The following ANK2 variants were observed in gnomAD, a reference collection of about 807,000 sequenced individuals.
The protein encoded by ANK2 is ankyrin 2, also known as ankyrin-2.
ANK2 carries 83 observed loss-of-function variants against 360.5 expected under a neutral mutation model. That is an observed-to-expected ratio of 0.23 (90% CI 0.19 to 0.28). ANK2 has a LOEUF of 0.28. Ranked by LOEUF, ANK2 falls within the 10% of genes least tolerant of loss-of-function variation. The pLI is 1.00. For missense variants in ANK2, 4,201 were observed against 4,795.7 expected (o/e 0.88, Z 3.66); for synonymous variants, 1,740 against 1,759.5 (o/e 0.99, Z 0.28).
chr4:113,049,937 C>T (rs2066192342), intron 1 of ANK2, 125 bp downstream of exon 1: 4 of 1,224,802 alleles, frequency 3.3e-6, no homozygotes, highest in African/African-American at 1.5e-5. Flanking sequence ...GATAACAGTG[C>T]CAAGCCTTGC....
intron 2 of ANK2, among the ~76,000 whole-genome samples, chr4:112,915,617 T>G (rs1250622406): frequency 1.3e-5 from 2 of 151,918 alleles, no homozygotes; most frequent in Non-Finnish European, 2.9e-5. Flanking sequence ...TAACTGGGCA[T>G]GGTGGCATAC....
intron 1 of ANK2, among the ~76,000 whole-genome samples, chr4:112,867,274 T>C (rs1225962476): frequency 6.6e-6 from 1 of 152,120 alleles, no homozygotes; most frequent in Non-Finnish European, 1.5e-5. Flanking sequence ...TTAAGATGTT[T>C]GATCAGATTT....
At chr4:112,945,682 C>T (rs1561219308) in intron 2 of ANK2, among the ~76,000 whole-genome samples, 1 of 152,142 alleles carries the variant, frequency 6.6e-6, no homozygotes, top group Non-Finnish European at 1.5e-5. Flanking sequence ...GGACACCACC[C>T]CTGCCAAGAA....
chr4:112,968,585 G>GT (rs888193135), intron 2 of ANK2, among the ~76,000 whole-genome samples: 202 of 150,988 alleles, frequency 1.3e-3, no homozygotes, highest in African/African-American at 4.6e-3. Context: ...ATTGCTTTTT[G>GT]TTTTTTTTTC....
intron 2 of ANK2, among the ~76,000 whole-genome samples, chr4:112,915,489 C>A (rs1450804305): frequency 6.6e-6 from 1 of 152,004 alleles, no homozygotes; most frequent in Non-Finnish European, 1.5e-5. Context: ...AGTGGCTCAT[C>A]CCTATAGTCC....
At chr4:112,739,697 C>A in the ANK2 span, among the ~76,000 whole-genome samples, 9 of 152,160 alleles carry the variant, frequency 5.9e-5, no homozygotes, top group Non-Finnish European at 1.3e-4. Flanking sequence ...GAGGGAGAAG[C>A]AATTTCCTCC....
intron 1 of ANK2, chr4:113,116,936 C>A: frequency 4.1e-6 from 1 of 246,320 alleles, no homozygotes; most frequent in South Asian, 5.6e-5. Flanking sequence ...TAGGATGCTT[C>A]TCTGCACTTG....
chr4:113,043,781 ATG>A (rs1278959135), intron 2 of ANK2, among the ~76,000 whole-genome samples: 1 of 152,196 alleles, frequency 6.6e-6, no homozygotes, highest in Non-Finnish European at 1.5e-5. Flanking sequence ...GGAGACTACC[ATG>A]GTCAGAACAA....
intron 20 of ANK2, among the ~76,000 whole-genome samples, chr4:113,288,950 G>A (rs1345339339): frequency 6.6e-6 from 1 of 152,144 alleles, no homozygotes; most frequent in African/African-American, 2.4e-5. Flanking sequence ...AATGTATAAG[G>A]CCTGGGCTGG....
intron 16 of ANK2, 60 bp from the exon 17 acceptor site, chr4:113,278,400 T>C: frequency 1.4e-6 from 2 of 1,418,154 alleles, no homozygotes; most frequent in East Asian, 4.5e-5. Flanking sequence ...GGCATCCTGG[T>C]AGCTTCAGGG....
intron 2 of ANK2, among the ~76,000 whole-genome samples, chr4:113,039,804 G>A (rs1179915960): frequency 1.3e-5 from 2 of 151,836 alleles, no homozygotes; most frequent in East Asian, 3.9e-4. Flanking sequence ...TTCTAACATT[G>A]GGATTCTTTG....
At chr4:113,002,455 C>G (rs10007377) in intron 2 of ANK2, among the ~76,000 whole-genome samples, 1 of 151,612 alleles carries the variant, frequency 6.6e-6, no homozygotes, top group Non-Finnish European at 1.5e-5. Flanking sequence ...AGTAAACTAT[C>G]GCAAGAACAA....
intron 1 of ANK2, among the ~76,000 whole-genome samples, chr4:113,167,845 A>C (rs1412801779): frequency 6.6e-6 from 1 of 152,186 alleles, no homozygotes; most frequent in African/African-American, 2.4e-5. Context: ...TAATAAATGG[A>C]ATAAAAGACA....
chr4:113,126,794 G>C (rs749070381), intron 1 of ANK2, among the ~76,000 whole-genome samples: 1 of 152,030 alleles, frequency 6.6e-6, no homozygotes, highest in African/African-American at 2.4e-5. Flanking sequence ...CAACACAAGG[G>C]ACAATATTTT....
At chr4:113,173,050 G>T (rs987621450) in intron 1 of ANK2, among the ~76,000 whole-genome samples, 1 of 152,134 alleles carries the variant, frequency 6.6e-6, no homozygotes, top group Non-Finnish European at 1.5e-5. Context: ...ATATGATGAT[G>T]GATTTCTAAA....
chr4:113,316,774 A>G (rs1201769205), intron 24 of ANK2, among the ~76,000 whole-genome samples: 4 of 152,254 alleles, frequency 2.6e-5, no homozygotes, highest in Admixed American at 1.3e-4. Context: ...GCATCTATGC[A>G]AATGTCAAGT....
Position 113,353,054 on chromosome 4 carries a change from C to A in ANK2, c.4436C>A (p.Thr1479Lys), listed in dbSNP as rs762685310. Residue 1479 changes from threonine to lysine, a missense_variant, in exon 38 of 46, where the codon ACA becomes AAA. Thr to Lys is a moderately conservative substitution (Grantham distance 78). Coordinates refer to ENST00000357077, the MANE Select transcript of ANK2 (RefSeq NM_001148.6). ...TTCATTCACATCAAAGATGATGAGACAGAATCTACAGAAACATCTGTCCTG... is the reference window on the plus strand; with the variant it reads ...TTCATTCACATCAAAGATGATGAGAAAGAATCTACAGAAACATCTGTCCTG... ...IDMTSEKNDE[T>K]ESTETSVLKS... 1 of 1,613,314 alleles carries A rather than the reference C, an allele frequency of 6.2e-7. No homozygotes were observed. The highest frequency in any genetic ancestry group is 8.5e-7 in the Non-Finnish European group (1 of 1,179,610).
intron 1 of ANK2, among the ~76,000 whole-genome samples, chr4:113,117,642 C>A (rs890363483): frequency 5.9e-5 from 9 of 152,128 alleles, no homozygotes; most frequent in African/African-American, 2.2e-4. Context: ...AATGCCTCCA[C>A]TTCATTTTTC....
the ANK2 span, among the ~76,000 whole-genome samples, chr4:112,786,129 A>AC: frequency 6.6e-6 from 1 of 152,050 alleles, no homozygotes; most frequent in African/African-American, 2.4e-5. Context: ...GGCATGAGCC[A>AC]CCACGCACAG....
Sources: allele counts gnomAD v4.1 joint callset (sites outside exome capture counted in the v4.1 genomes callset), GRCh38; gene constraint gnomAD v4.1.1; transcripts MANE v1.5; gene names NCBI Gene and HGNC (gene_info 2026-07-23, HGNC 2026-07-21).